Variants in SLC28A1 observed in about 807,000 individuals in gnomAD.
The protein encoded by SLC28A1 is solute carrier family 28 member 1, also known as sodium/nucleoside cotransporter 1.
SLC28A1 carries 64 observed loss-of-function variants against 74.8 expected under a neutral mutation model. That is an observed-to-expected ratio of 0.86 (90% confidence interval 0.70 to 1.05). The LOEUF (loss-of-function observed/expected upper bound fraction) is 1.05. SLC28A1 is among the 50% of genes least tolerant of loss of function. The pLI, the probability that SLC28A1 is intolerant of heterozygous loss-of-function variation, is 0.00. For missense variants in SLC28A1, 828 were observed against 822.8 expected (o/e 1.01, Z -0.08); for synonymous variants, 359 against 335.0 (o/e 1.07, Z -0.78).
At chr15:84,903,379 A>G (rs192080530) in intron 6 of SLC28A1, among the ~76,000 whole-genome samples, 20 of 152,348 alleles carry the variant, frequency 1.3e-4, no homozygotes, top group African/African-American at 4.3e-4. Flanking sequence ...CTCTATCAAA[A>G]GAACATGTCT....
At chr15:84,965,800 T>C in the SLC28A1 span, among the ~76,000 whole-genome samples, 10 of 151,220 alleles carry the variant, frequency 6.6e-5, no homozygotes, top group Non-Finnish European at 1.2e-4. Flanking sequence ...TCTTTCCTTC[T>C]GGCTAGAATG....
chr15:84,924,191 A>G, intron 12 of SLC28A1, 81 bp downstream of exon 12: 1 of 1,492,184 alleles, frequency 6.7e-7, no homozygotes, highest in Non-Finnish European at 9.2e-7. Context: ...GCTCCTGGCC[A>G]GAGCAGCCCT....
chr15:84,943,940 G>A (rs1039743060), intron 16 of SLC28A1, among the ~76,000 whole-genome samples: 37 of 152,200 alleles, frequency 2.4e-4, no homozygotes, highest in African/African-American at 7.7e-4. Flanking sequence ...GATGTTCATA[G>A]AGTTTCCTCC....
At chr15:84,960,866 T>C in the SLC28A1 span, among the ~76,000 whole-genome samples, 1 of 152,272 alleles carries the variant, frequency 6.6e-6, no homozygotes, top group Non-Finnish European at 1.5e-5. Context: ...TTCTTTCCCC[T>C]TTTTTTAGTG....
At chr15:84,920,463 A>AAAGGG (rs1969674036) in intron 10 of SLC28A1, among the ~76,000 whole-genome samples, 1 of 141,526 alleles carries the variant, frequency 7.1e-6, no homozygotes, top group Non-Finnish European at 1.5e-5. Context: ...AAAGGAAAGG[A>AAAGGG]AAGGGGAAGG....
At chr15:84,919,643 C>G (rs1969561870) in intron 10 of SLC28A1, among the ~76,000 whole-genome samples, 1 of 152,056 alleles carries the variant, frequency 6.6e-6, no homozygotes, top group Non-Finnish European at 1.5e-5. Flanking sequence ...CAAACTTATC[C>G]TTTTTATCAG....
chr15:84,906,984 G>A (rs1293469830), intron 8 of SLC28A1, among the ~76,000 whole-genome samples: 1 of 152,180 alleles, frequency 6.6e-6, no homozygotes, highest in African/African-American at 2.4e-5. Flanking sequence ...TGAGTTGAGT[G>A]GAGGAGGTTG....
At chr15:84,933,323 G>A in intron 13 of SLC28A1, 48 bp downstream of exon 13, 3 of 1,600,658 alleles carry the variant, frequency 1.9e-6, no homozygotes, top group East Asian at 2.3e-5. Context: ...TACAAGGTGG[G>A]GGGAGCAAAG....
At chr15:84,963,043 A>T in the SLC28A1 span, among the ~76,000 whole-genome samples, 3,581 of 152,300 alleles carry the variant, frequency 0.024, 148 homozygotes, top group African/African-American at 0.082. Flanking sequence ...CTGACGCCTC[A>T]GCACTGCCTA....
chr15:84,950,636 G>T (rs2142092602), downstream of SLC28A1, among the ~76,000 whole-genome samples: 1 of 152,274 alleles, frequency 6.6e-6, no homozygotes, highest in East Asian at 1.9e-4. Flanking sequence ...GAGCCTGGGA[G>T]ATTGAGACTG....
chr15:84,973,478 G>A, the SLC28A1 span, among the ~76,000 whole-genome samples: 11 of 152,222 alleles, frequency 7.2e-5, no homozygotes, highest in East Asian at 1.9e-4. Flanking sequence ...CCAGGGAAGC[G>A]GCACATGCTA....
At chr15:84,890,584 C>G (rs750976319) in intron 5 of SLC28A1, 50 bp downstream of exon 5, 1 of 1,406,176 alleles carries the variant, frequency 7.1e-7, no homozygotes, top group Non-Finnish European at 9.9e-7. Flanking sequence ...CCTGCCTCAG[C>G]TATCCATGTC....
chr15:84,912,659 C>T lies in SLC28A1; in HGVS notation c.795+3864C>T, dbSNP rs138548030. On this transcript the variant is annotated intron_variant, in intron 9 of 18. Transcript: ENST00000394573. ...TGTTCTAGCCTCTGGAACAAGCACC[C>T]ACTGCTAAGCTTAGCAGTGCTGCTC... Among the ~76,000 whole-genome samples, 469 of 152,250 alleles carry T rather than the reference C, an allele frequency of 3.1e-3. 2 individuals carry two copies. Among genetic ancestry groups the T allele is most frequent in the African/African-American group, 0.011 (449 of 41,556 alleles).
intron 9 of SLC28A1, among the ~76,000 whole-genome samples, chr15:84,913,653 TC>T (rs969222936): frequency 6.6e-6 from 1 of 152,224 alleles, no homozygotes; most frequent in Admixed American, 6.5e-5. Flanking sequence ...ATTTCCTTCT[TC>T]CTTGAGTTAT....
intron 6 of SLC28A1, chr15:84,895,817 A>G (rs114714246): frequency 0.023 from 25,406 of 1,114,408 alleles, 369 homozygotes; most frequent in South Asian, 0.066. Context: ...CTATTTCAAT[A>G]CTCTATTTTG....
the SLC28A1 span, among the ~76,000 whole-genome samples, chr15:84,953,967 G>T: frequency 3.3e-5 from 5 of 152,118 alleles, no homozygotes; most frequent in South Asian, 8.3e-4. Flanking sequence ...TCTGCCTACC[G>T]CTGAGTTCCT....
In SLC28A1 at chr15:84,886,805, C is replaced by G. The variant is rs796642056; in HGVS notation, c.-17+18C>G. 1 of 979,664 alleles carries G rather than the reference C, an allele frequency of 1.0e-6. No homozygotes were observed. The highest frequency in any genetic ancestry group is 1.2e-6 in the Non-Finnish European group (1 of 824,676). 60.7% of individuals were successfully genotyped at this position (979,664 alleles called of 1,614,324 possible). On this transcript the variant is annotated intron_variant, in intron 2 of 18. Coordinates refer to ENST00000394573, the MANE Select transcript of SLC28A1 (RefSeq NM_004213.5). Reference sequence around the variant, plus strand: ...GCAAATACGTGAGTAGAAACAGGGCCCCGCTTCTGTGTGCGCTGCTGTGCG... The same window carrying G: ...GCAAATACGTGAGTAGAAACAGGGCGCCGCTTCTGTGTGCGCTGCTGTGCG...
Position 84,912,797 on chromosome 15 carries a change from T to TGCGCGCGCGCGTGCGCGC in SLC28A1, c.795+4012_795+4013insGTGCGCGCGCGCGCGCGC, listed in dbSNP as rs148740007. On this transcript the variant is annotated intron_variant, in intron 9 of 18. Coordinates refer to ENST00000394573, the MANE Select transcript of SLC28A1 (RefSeq NM_004213.5). The stretch of plus-strand genomic sequence containing the variant: ...CCCAGTGGTCAACAGTGCCAAATTT[T>TGCGCGCGCGCGTGCGCGC]GCGCGCGCGCACACACACACACACA... Among the ~76,000 whole-genome samples the TGCGCGCGCGCGTGCGCGC allele has an allele frequency of 4.4e-3, 520 of 118,158 alleles. 10 individuals are homozygous for TGCGCGCGCGCGTGCGCGC. Among genetic ancestry groups the TGCGCGCGCGCGTGCGCGC allele is most frequent in the African/African-American group, 0.016 (484 of 30,118 alleles). 77.5% of individuals were successfully genotyped at this position (118,158 alleles called of 152,430 possible). A position where few individuals can be genotyped will look rare whatever the true frequency, so the allele number is the denominator to read the frequency against.
At position 84,890,665 on chromosome 15, in the gene SLC28A1, C is replaced by A. The variant is rs1401110044; in HGVS notation, c.277+131C>A. The A allele has an allele frequency of 3.9e-6, 3 of 767,742 alleles. No individual in the cohort carries two copies. In the African/African-American group the frequency reaches 5.1e-5, roughly 13 times the overall value. 47.6% of individuals were successfully genotyped at this position (767,742 alleles called of 1,614,324 possible). A position where few individuals can be genotyped will look rare whatever the true frequency, so the allele number is the denominator to read the frequency against. ...TTGAGCACCAACTCAGGTCCAGCTC[C>A]CTTGCTGGGTACTGAGGCATCTGTT... On this transcript the variant is annotated intron_variant, in intron 5 of 18. Coordinates refer to ENST00000394573, the MANE Select transcript of SLC28A1 (RefSeq NM_004213.5).
Sources: allele counts gnomAD v4.1 joint callset (sites outside exome capture counted in the v4.1 genomes callset), GRCh38; gene constraint gnomAD v4.1.1; transcripts MANE v1.5; gene names NCBI Gene and HGNC (gene_info 2026-07-23, HGNC 2026-07-21).